Variants in ANKLE2 observed in about 807,000 individuals in gnomAD.
ANKLE2 encodes ankyrin repeat and LEM domain-containing protein 2.
A neutral mutation model predicts 84.2 loss-of-function variants in ANKLE2; 55 were observed. The ratio of observed to expected loss-of-function variants is 0.65; its 90% CI spans 0.53 to 0.82. ANKLE2 has a LOEUF of 0.82. ANKLE2 is among the 40% of genes least tolerant of loss of function. The pLI is 0.00. For synonymous variants in ANKLE2, 551 were observed against 486.1 expected (o/e 1.13, Z -1.76); for missense variants, 1,238 against 1,201.9 (o/e 1.03, Z -0.44).
intron 4 of ANKLE2, 26 bp from the exon 5 acceptor site, chr12:132,748,046 C>A: frequency 6.3e-7 from 1 of 1,597,480 alleles, no homozygotes; most frequent in East Asian, 2.2e-5. Flanking sequence ...ATGCTCTGAG[C>A]TTCCTATCTG....
Position 132,754,655 on chromosome 12 carries a change from C to A in ANKLE2, c.640+20G>T. 1 of 1,577,338 alleles carries A rather than the reference C, an allele frequency of 6.3e-7. No individual in the cohort carries two copies. The highest frequency in any genetic ancestry group is 1.2e-5 in the South Asian group (1 of 86,804). On this transcript the variant is annotated intron_variant, in intron 2 of 12. Coordinates refer to ENST00000357997, the MANE Select transcript of ANKLE2 (RefSeq NM_015114.3). ...GTATGTGCTATCTGTGTGAGGAAATCCTACACACGGTCCCATTACCATTTC... is the reference window on the plus strand; with the variant it reads ...GTATGTGCTATCTGTGTGAGGAAATACTACACACGGTCCCATTACCATTTC...
intron 3 of ANKLE2, among the ~76,000 whole-genome samples, chr12:132,748,717 G>A (rs2044292169): frequency 6.6e-6 from 1 of 152,162 alleles, no homozygotes; most frequent in Non-Finnish European, 1.5e-5. Flanking sequence ...TTTTTTCAGA[G>A]ACAGGGTCTG....
At position 132,736,884 on chromosome 12, in the gene ANKLE2, G is replaced by A; in HGVS notation, c.1593+9C>T. On this transcript the variant is annotated intron_variant, in intron 8 of 12. Coordinates refer to ENST00000357997, the MANE Select transcript of ANKLE2 (RefSeq NM_015114.3). ...GGCACCACTTCCAGAAGCTTCTACA[G>A]CAGCTCACCTTGGCTGGACTCAGGG... 6.3e-7 allele frequency: 1 copy of A among 1,595,356 alleles called. No homozygotes were observed. Among genetic ancestry groups the A allele is most frequent in the Non-Finnish European group, 8.6e-7 (1 of 1,167,480 alleles).
chr12:132,747,652 A>G (rs2044267069), intron 5 of ANKLE2, among the ~76,000 whole-genome samples, 180 bp downstream of exon 5: 1 of 152,224 alleles, frequency 6.6e-6, no homozygotes, highest in Non-Finnish European at 1.5e-5. Context: ...AGGGAACCCC[A>G]GCGCTCGGTG....
intron 7 of ANKLE2, among the ~76,000 whole-genome samples, chr12:132,739,830 T>G (rs1334897842): frequency 6.6e-6 from 1 of 152,228 alleles, no homozygotes; most frequent in African/African-American, 2.4e-5. Flanking sequence ...TGACCATGCC[T>G]GGGCTTCGCA....
chr12:132,728,031 C>G lies in ANKLE2; in HGVS notation c.2615+1G>C. ...TGACAGGCTGTCCGGGCCCCACATA[C>G]CTCTGTCTGTCCGAGGGTGAGTAGC... On this transcript the variant is annotated splice_donor_variant, in intron 12 of 12. Coordinates refer to ENST00000357997, the MANE Select transcript of ANKLE2 (RefSeq NM_015114.3). LOFTEE classifies it high-confidence loss of function. 2 of 1,599,516 alleles carry G rather than the reference C, an allele frequency of 1.3e-6. No individual in the cohort carries two copies. Among genetic ancestry groups the G allele is most frequent in the Non-Finnish European group, 1.7e-6 (2 of 1,175,706 alleles).
rs781260812 is a variant in ANKLE2, at chr12:132,754,812, T to C, written c.503A>G (p.Glu168Gly). 3.1e-6 allele frequency: 5 copies of C among 1,614,178 alleles called. No homozygotes were observed. The South Asian group carries it at 4.4e-5, about 14-fold the overall frequency. The change falls in exon 2 of 13, where the codon GAG becomes GGG. Residue 168 changes from glutamate (E) to glycine (G), a missense_variant. By Grantham distance (98) the Glu-to-Gly change is moderately conservative. Coordinates refer to ENST00000357997, the MANE Select transcript of ANKLE2 (RefSeq NM_015114.3). ...GCAGGTCTTGGATGTCACAGCTTCC[T>C]CCTCTGGAGGATTCAGGCCCACACT... ...GYSVGLNPPE[E>G]EAVTSKTCSV...
rs749810791 is a variant in ANKLE2, at chr12:132,727,270, G to A, written c.2789C>T (p.Ala930Val). 1.1e-4 allele frequency: 171 copies of A among 1,562,684 alleles called. No individual in the cohort carries two copies. Among genetic ancestry groups the A allele is most frequent in the Non-Finnish European group, 1.4e-4 (164 of 1,153,542 alleles). Residue 930 changes from alanine to valine, a missense_variant, in exon 13 of 13, where the codon GCG (alanine) becomes GTG (valine). Around this residue, in one of 3 missense-constraint regions of ANKLE2, gnomAD observed 802 missense variants for 774.5 expected, o/e 1.04. Coordinates refer to ENST00000357997, the MANE Select transcript of ANKLE2 (RefSeq NM_015114.3). Reference sequence around the variant, plus strand: ...CAGGGCGGCAAGCTCAGCCAGGCGCGCCATCCTGCGGAGCTGGCTCCCGTG... The same window carrying A: ...CAGGGCGGCAAGCTCAGCCAGGCGCACCATCCTGCGGAGCTGGCTCCCGTG... ...PVHGSQLRRMARLAELAAL is the reference protein window; with the variant it reads ...PVHGSQLRRMVRLAELAAL
chr12:132,743,756 A>T lies in ANKLE2; in HGVS notation c.1231-480T>A, dbSNP rs1566025439. ...TCTAGCACATACCCACTTCGTGCCA[A>T]GGCTTGAGCTTAGCATACTGACCTG... is the stretch of plus-strand genomic sequence containing the variant. On this transcript the variant is annotated intron_variant, in intron 5 of 12. Transcript: ENST00000357997. The surrounding 1 kb of genome is among the most constrained non-coding windows in gnomAD (Gnocchi z 4.1). Among the ~76,000 whole-genome samples, 1 of 152,164 alleles carries T rather than the reference A, an allele frequency of 6.6e-6. No homozygotes were observed. Among genetic ancestry groups the T allele is most frequent in the Non-Finnish European group, 1.5e-5 (1 of 68,044 alleles).
chr12:132,745,833 G>A lies in ANKLE2; in HGVS notation c.1230+1999C>T, dbSNP rs147411760. 5.1e-3 allele frequency: 783 copies of A among 154,734 alleles called. 5 individuals carry two copies. The highest frequency in any genetic ancestry group is 0.017 in the African/African-American group (719 of 41,620). The allele number at this position is 154,734 out of a possible 1,614,324, so 9.6% of individuals were successfully genotyped here. ...CAGCCGGAGCTCTGAGCAACAAAGC[G>A]GCCAGCCAGGACGCACACGCAGAGC... On this transcript the variant is annotated intron_variant, in intron 5 of 12. Transcript: ENST00000357997.
At chr12:132,744,117 C>A (rs189179793) in intron 5 of ANKLE2, among the ~76,000 whole-genome samples, 1 of 152,190 alleles carries the variant, frequency 6.6e-6, no homozygotes, top group East Asian at 1.9e-4. Flanking sequence ...GGAGCTCCCA[C>A]AGCTGCACCT....
intron 6 of ANKLE2, chr12:132,741,889 C>T (rs1338739331): frequency 6.5e-6 from 3 of 459,880 alleles, no homozygotes; most frequent in Non-Finnish European, 1.3e-5. Flanking sequence ...CAAGGTGGAG[C>T]TCCTAAGTAA....
chr12:132,736,525 A>G (rs2044012610), intron 8 of ANKLE2, among the ~76,000 whole-genome samples: 1 of 152,078 alleles, frequency 6.6e-6, no homozygotes, highest in Admixed American at 6.6e-5. Flanking sequence ...GGACGTGCAG[A>G]TGGAGCTTTC....
At chr12:132,753,147 C>T (rs1415335471) in intron 2 of ANKLE2, among the ~76,000 whole-genome samples, 4 of 151,952 alleles carry the variant, frequency 2.6e-5, no homozygotes, top group Admixed American at 2.6e-4. Context: ...ATTGTCTCTA[C>T]CAAGAATACA....
chr12:132,727,584 ACACACGCCCGGG>A (rs2043731078), intron 12 of ANKLE2, 141 bp from the exon 13 acceptor site: 1 of 711,936 alleles, frequency 1.4e-6, no homozygotes, highest in Non-Finnish European at 2.2e-6. Flanking sequence ...CACCGCGGGC[ACACACGCCCGGG>A]TGGAAGAGAC....
rs79871738 is a variant in ANKLE2 at position 132,743,653 on chromosome 12, C to CT, written c.1231-378dup. On this transcript the variant is annotated intron_variant, in intron 5 of 12. Coordinates refer to ENST00000357997, the MANE Select transcript of ANKLE2 (RefSeq NM_015114.3). The surrounding 1 kb of genome is among the most constrained non-coding windows in gnomAD (Gnocchi z 4.1). ...TGTGAGTCACCGAGCCTGGCTTATA[C>CT]TTTTTTAAAAAAAAAAAGACTCACA... Among the ~76,000 whole-genome samples, 1 of 104,646 alleles carries CT rather than the reference C, an allele frequency of 9.6e-6. No homozygotes were observed. The highest frequency in any genetic ancestry group is 3.1e-4 in the South Asian group (1 of 3,176). 68.7% of individuals were successfully genotyped at this position (104,646 alleles called of 152,430 possible).
chr12:132,728,301 C>T, intron 11 of ANKLE2, 138 bp from the exon 12 acceptor site: 4 of 1,089,236 alleles, frequency 3.7e-6, no homozygotes, highest in Non-Finnish European at 5.2e-6. Context: ...GTGATCTCGG[C>T]TCATCGCAAG....
chr12:132,737,194 G>A (rs2044030295), intron 7 of ANKLE2, 129 bp from the exon 8 acceptor site: 3 of 1,014,248 alleles, frequency 3.0e-6, no homozygotes, highest in Admixed American at 6.1e-5. Flanking sequence ...ACGGGGCAGA[G>A]GGTGGTTTCC....
Position 132,734,565 on chromosome 12 carries a change from G to A in ANKLE2, c.1711C>T (p.His571Tyr), listed in dbSNP as rs750223096. Residue 571 changes from histidine (H) to tyrosine (Y), a missense_variant, in exon 10 of 13, where the codon CAT (histidine) becomes TAT (tyrosine). Transcript: ENST00000357997. The stretch of plus-strand genomic sequence containing the variant: ...TCAACCCAGGGATACCCCAGCTCAT[G>A]AGCTAGCTCCCTGTAAGAAACAAAA... ...GFERVGRELA[H>Y]ELGYPWVEYW... is the part of the protein sequence containing the mutation. The A allele has an allele frequency of 6.2e-7, 1 of 1,607,724 alleles. No homozygotes were observed. Among genetic ancestry groups the A allele is most frequent in the Admixed American group, 1.7e-5 (1 of 57,882 alleles).
Sources: allele counts gnomAD v4.1 joint callset (sites outside exome capture counted in the v4.1 genomes callset), GRCh38; gene constraint gnomAD v4.1.1; regional missense constraint gnomAD v4.1.1; non-coding constraint Gnocchi (gnomAD v3.1); transcripts MANE v1.5; gene names NCBI Gene and HGNC (gene_info 2026-07-23, HGNC 2026-07-21).